Variants in FBXL13 observed in about 807,000 individuals in gnomAD.
FBXL13 encodes F-box and leucine rich repeat protein 13, also known as F-box and leucine-rich repeat protein 13.
Under a neutral mutation model 83.6 loss-of-function variants are expected in FBXL13, and 67 were observed. That is an observed-to-expected ratio of 0.80 (90% CI 0.66 to 0.98). FBXL13 has a LOEUF of 0.98. FBXL13 is among the 50% of genes least tolerant of loss of function. The probability of loss-of-function intolerance (pLI) is 0.00; values close to 1 mark genes in which losing one functional copy is unlikely to be tolerated. For missense variants in FBXL13, 822 were observed against 866.5 expected (o/e 0.95, Z 0.64); for synonymous variants, 272 against 299.5 (o/e 0.91, Z 0.95).
At chr7:102,878,376 T>C (rs1809544507) in exon 15 of FBXL13, 1 of 1,610,556 alleles carries the variant, frequency 6.2e-7, no homozygotes. Flanking sequence ...CCGCACACAG[T>C]TGCTTAAATT....
intron 6 of FBXL13, among the ~76,000 whole-genome samples, chr7:102,984,045 T>G (rs1356196108): frequency 1.3e-5 from 2 of 152,210 alleles, no homozygotes; most frequent in East Asian, 3.8e-4. Flanking sequence ...GAGTATCATA[T>G]GCACAATGAT....
intron 2 of FBXL13, among the ~76,000 whole-genome samples, chr7:103,032,690 G>T (rs1273320892): frequency 2.0e-5 from 3 of 152,078 alleles, no homozygotes; most frequent in Non-Finnish European, 2.9e-5. Context: ...GGATAACATT[G>T]GCCTAAATCT....
chr7:102,965,221 G>T (rs1436857729), intron 7 of FBXL13, among the ~76,000 whole-genome samples: 1 of 152,136 alleles, frequency 6.6e-6, no homozygotes, highest in Non-Finnish European at 1.5e-5. Flanking sequence ...ATAAATAGTT[G>T]ATAATTAAGA....
chr7:103,031,376 A>T (rs1051882107), intron 2 of FBXL13: 3 of 152,232 alleles, frequency 2.0e-5, no homozygotes, highest in African/African-American at 7.2e-5. Flanking sequence ...AGTGTTTTGC[A>T]CAGAGTAGGA....
chr7:102,970,977 T>C (rs192824686), intron 6 of FBXL13, among the ~76,000 whole-genome samples: 3 of 152,160 alleles, frequency 2.0e-5, no homozygotes, highest in Admixed American at 1.3e-4. Flanking sequence ...ACACACATCT[T>C]TACAGAATTT....
chr7:102,845,421 G>GAT lies in FBXL13; in HGVS notation c.1719+9354_1719+9355dup, dbSNP rs555499127. ...TGCCAGGACTGTGGATAAAGACCAAGATATATATATTTCCTATAAATCACA... is the reference window on the plus strand; with the variant it reads ...TGCCAGGACTGTGGATAAAGACCAAGATATATATATATTTCCTATAAATCACA... On this transcript the variant is annotated intron_variant, in intron 17 of 19. Transcript: ENST00000313221. 9.2e-5 allele frequency among the ~76,000 whole-genome samples: 14 copies of GAT among 152,226 alleles called. No individual in the cohort carries two copies. In the East Asian group the frequency reaches 2.1e-3, roughly 23 times the overall value.
At chr7:102,862,328 C>CAAAAAA (rs111697845) in intron 16 of FBXL13, among the ~76,000 whole-genome samples, 1 of 96,820 alleles carries the variant, frequency 1.0e-5, no homozygotes. Context: ...GAATCTGTCT[C>CAAAAAA]AAAAAAAAAA....
At chr7:102,856,660 C>A (rs1563001893) in intron 16 of FBXL13, among the ~76,000 whole-genome samples, 1 of 152,122 alleles carries the variant, frequency 6.6e-6, no homozygotes, top group Non-Finnish European at 1.5e-5. Flanking sequence ...AATTGATCAA[C>A]ATTATTAGCC....
At chr7:103,044,823 G>T (rs1321814847) in intron 2 of FBXL13, among the ~76,000 whole-genome samples, 3 of 152,142 alleles carry the variant, frequency 2.0e-5, no homozygotes, top group Non-Finnish European at 4.4e-5. Context: ...TTTCATCTTG[G>T]AATGCTTGAA....
intron 11 of FBXL13, chr7:102,912,849 T>C: frequency 2.3e-6 from 1 of 442,376 alleles, no homozygotes; most frequent in Non-Finnish European, 4.0e-6. Flanking sequence ...AGTGGTCCGT[T>C]TCCTCATCCA....
intron 8 of FBXL13, among the ~76,000 whole-genome samples, chr7:102,951,404 A>AAATAAATAAAT (rs1563139910): frequency 3.3e-3 from 63 of 18,950 alleles, no homozygotes; most frequent in Non-Finnish European, 4.9e-3. Flanking sequence ...AATAAATAAA[A>AAATAAATAAAT]GTTAATTTAA....
At chr7:103,035,516 C>T (rs970034988) in intron 2 of FBXL13, among the ~76,000 whole-genome samples, 4 of 151,998 alleles carry the variant, frequency 2.6e-5, no homozygotes, top group African/African-American at 4.8e-5. Flanking sequence ...TAACAGATAC[C>T]AAATTTATGG....
intron 1 of FBXL13, among the ~76,000 whole-genome samples, chr7:103,071,273 A>C (rs897337176): frequency 1.6e-4 from 25 of 152,220 alleles, no homozygotes; most frequent in African/African-American, 5.3e-4. Flanking sequence ...GAGAGAACTG[A>C]ATAGAAGTAC....
chr7:102,886,369 G>A (rs1481026205), intron 11 of FBXL13, among the ~76,000 whole-genome samples: 6 of 152,178 alleles, frequency 3.9e-5, no homozygotes, highest in Non-Finnish European at 5.9e-5. Context: ...CTTCATTTGC[G>A]CCACCTCTCA....
In FBXL13 at chr7:102,931,758, A is replaced by G. The variant is rs1819219082; in HGVS notation, c.777+123T>C. ...GTAAAATTTCTTGTCAATGTTTAACATAGTTTGCTCTTTTCCACATTGAAT... is the reference window on the plus strand; with the variant it reads ...GTAAAATTTCTTGTCAATGTTTAACGTAGTTTGCTCTTTTCCACATTGAAT... On this transcript the variant is annotated intron_variant, in intron 9 of 19. Coordinates refer to ENST00000313221, the Ensembl canonical transcript of FBXL13. 3.7e-6 allele frequency: 3 copies of G among 803,158 alleles called. No homozygotes were observed. The African/African-American group carries it at 5.2e-5, about 14-fold the overall frequency. 49.8% of individuals were successfully genotyped at this position (803,158 alleles called of 1,614,324 possible). A position where few individuals can be genotyped will look rare whatever the true frequency, so the allele number is the denominator to read the frequency against.
At chr7:102,934,775 G>T (rs1044855674) in intron 8 of FBXL13, 2 of 1,175,076 alleles carry the variant, frequency 1.7e-6, no homozygotes, top group African/African-American at 3.1e-5. Flanking sequence ...CCATGTCTTG[G>T]AATTCGTGAT....
chr7:103,020,110 A>G (rs1053323026), intron 6 of FBXL13, among the ~76,000 whole-genome samples: 13 of 152,222 alleles, frequency 8.5e-5, no homozygotes, highest in Non-Finnish European at 1.5e-4. Context: ...GCAGCATATC[A>G]AAAAGCTTAT....
intron 19 of FBXL13, 95 bp from the exon 21 acceptor site, chr7:102,813,626 G>T: frequency 8.0e-7 from 1 of 1,251,462 alleles, no homozygotes; most frequent in Non-Finnish European, 1.1e-6. Context: ...GGAATTCACT[G>T]TCACAATCTG....
At chr7:102,869,691 A>G (rs1341534548) in intron 16 of FBXL13, among the ~76,000 whole-genome samples, 1 of 152,102 alleles carries the variant, frequency 6.6e-6, no homozygotes, top group Non-Finnish European at 1.5e-5. Flanking sequence ...ATTCTTCTGC[A>G]TGTAGCTATC....
Sources: gnomAD v4.1 joint callset for allele counts (sites outside exome capture counted in the v4.1 genomes callset) on GRCh38, gnomAD v4.1.1 for gene constraint, MANE v1.5 for transcripts, NCBI Gene and HGNC (gene_info 2026-07-23, HGNC 2026-07-21) for gene names.